The following SYT11 variants were observed in gnomAD, a reference collection of about 807,000 sequenced individuals.
SYT11 encodes synaptotagmin-11.
A neutral mutation model predicts 30.4 loss-of-function variants in SYT11; 12 were observed. The ratio of observed to expected loss-of-function variants is 0.39; its 90% CI spans 0.25 to 0.64. The LOEUF (loss-of-function observed/expected upper bound fraction) is 0.64. Among genes scored for constraint, SYT11 ranks in the 30% least tolerant of loss-of-function variants. The pLI is 0.45. For missense variants in SYT11, 412 were observed against 552.0 expected, an observed-to-expected ratio of 0.75 and a Z score of 2.54; for synonymous variants, 204 against 216.0, an observed-to-expected ratio of 0.94 and a Z score of 0.49.
intron 1 of SYT11, among the ~76,000 whole-genome samples, chr1:155,862,405 A>G (rs1377473763): frequency 6.6e-6 from 1 of 152,172 alleles, no homozygotes; most frequent in Non-Finnish European, 1.5e-5. Flanking sequence ...TTTCAGGGAG[A>G]GAGGCAAGAG....
intron 2 of SYT11, among the ~76,000 whole-genome samples, chr1:155,875,422 C>G (rs79550718): frequency 7.0e-6 from 1 of 143,526 alleles, no homozygotes; most frequent in South Asian, 2.2e-4. Flanking sequence ...TTTTTTTTTT[C>G]TGAGACAGTC....
chr1:155,865,583 G>A (rs1050784174), intron 1 of SYT11, among the ~76,000 whole-genome samples: 3 of 151,126 alleles, frequency 2.0e-5, no homozygotes, highest in Non-Finnish European at 2.9e-5. Context: ...AGCCGTGATC[G>A]TGCCATTGTA....
chr1:155,882,651 T>C lies in SYT11; in HGVS notation c.*1143T>C, dbSNP rs1672997301. ...AACTTCAAATTCAGCTATAGGATAG[T>C]ACCAATGAACACATCCAGCTGATCC... On this transcript the variant is annotated 3_prime_UTR_variant, in exon 4 of 4. Transcript: ENST00000368324. 6.6e-6 allele frequency: 1 copy of C among 152,354 alleles called. No homozygotes were observed. Among genetic ancestry groups the C allele is most frequent in the Admixed American group, 6.5e-5 (1 of 15,272 alleles). The allele number at this position is 152,354 out of a possible 1,614,324, so 9.4% of individuals were successfully genotyped here.
chr1:155,878,694 T>C (rs1217485692), intron 2 of SYT11, among the ~76,000 whole-genome samples: 1 of 151,360 alleles, frequency 6.6e-6, no homozygotes, highest in Non-Finnish European at 1.5e-5. Flanking sequence ...TGAAGCCCCG[T>C]CTCTACTAAA....
chr1:155,878,640 C>T (rs761025348), intron 2 of SYT11, among the ~76,000 whole-genome samples: 12 of 151,680 alleles, frequency 7.9e-5, no homozygotes, highest in African/African-American at 9.7e-5. Context: ...CCGAGACGGG[C>T]GGATCATGAG....
rs1411224758 is a variant in SYT11 at position 155,868,656 on chromosome 1, G to T, written c.726G>T (p.Leu242=). Residue 242 remains leucine (L), a synonymous_variant, in exon 2 of 4, where the codon CTG becomes CTT. Transcript: ENST00000368324. The surrounding 1 kb of genome is among the most constrained non-coding windows in gnomAD (Gnocchi z 4.7). The part of the protein sequence containing the change: ...IPYSQLQDLV[L]HFLVLSFDRF... ...ACAGCCAGCTGCAGGACCTGGTGCTGCACTTCCTTGTCCTCAGCTTTGACC... is the reference window on the plus strand; with the variant it reads ...ACAGCCAGCTGCAGGACCTGGTGCTTCACTTCCTTGTCCTCAGCTTTGACC... 6.2e-7 allele frequency: 1 copy of T among 1,614,244 alleles called. No individual in the cohort carries two copies. Among genetic ancestry groups the T allele is most frequent in the East Asian group, 2.2e-5 (1 of 44,892 alleles).
rs1162537180 is a variant in SYT11, at chr1:155,883,687, AT to A, written c.*2180del. On this transcript the variant is annotated 3_prime_UTR_variant, in exon 4 of 4. Coordinates refer to ENST00000368324, the MANE Select transcript of SYT11 (RefSeq NM_152280.5). The stretch of plus-strand genomic sequence containing the variant: ...AGTTGAGACTGAAGTGTTCACTTCC[AT>A]AGAAGAACATCACTTTTAACCTTGC... The A allele has an allele frequency of 6.6e-6, 1 of 152,192 alleles. No homozygotes were observed. Among genetic ancestry groups the A allele is most frequent in the East Asian group, 1.9e-4 (1 of 5,204 alleles). The allele number at this position is 152,192 out of a possible 1,614,324, so 9.4% of individuals were successfully genotyped here.
chr1:155,881,095 G>C, intron 3 of SYT11, 103 bp from the exon 4 acceptor site: 1 of 1,272,210 alleles, frequency 7.9e-7, no homozygotes, highest in South Asian at 1.4e-5. Flanking sequence ...TCAAAGATAC[G>C]AACAACAGAG....
At chr1:155,866,309 G>A (rs1002176102) in intron 1 of SYT11, among the ~76,000 whole-genome samples, 7 of 151,998 alleles carry the variant, frequency 4.6e-5, no homozygotes, top group Non-Finnish European at 1.0e-4. Context: ...CAGAGACAGG[G>A]TTTCGCCATG....
chr1:155,884,233 T>G lies in SYT11; in HGVS notation c.*2725T>G, dbSNP rs186412669. 1 of 152,888 alleles carries G rather than the reference T, an allele frequency of 6.5e-6. No homozygotes were observed. Among genetic ancestry groups the G allele is most frequent in the East Asian group, 1.9e-4 (1 of 5,316 alleles). The allele number at this position is 152,888 out of a possible 1,614,324, so 9.5% of individuals were successfully genotyped here. On this transcript the variant is annotated 3_prime_UTR_variant, in exon 4 of 4. Coordinates refer to ENST00000368324, the MANE Select transcript of SYT11 (RefSeq NM_152280.5). ...ATAGTCTGGTCTTTGCCCTGCTGTG[T>G]GTGCCTCTGTAGCTCCTCCTGACAA...
intron 2 of SYT11, among the ~76,000 whole-genome samples, chr1:155,877,434 C>CT (rs1253110299): frequency 6.6e-6 from 1 of 151,940 alleles, no homozygotes; most frequent in Non-Finnish European, 1.5e-5. Flanking sequence ...GGGTCTCACT[C>CT]TGTCACCAAG....
Position 155,867,971 on chromosome 1 carries a change from C to A in SYT11, c.41C>A (p.Ser14Ter). The change falls in exon 2 of 4, where the codon TCA becomes TAA. Residue 14 changes from serine to a stop codon, truncating the protein, a stop_gained. Transcript: ENST00000368324. LOFTEE classifies it high-confidence loss of function. ...ITNIRPSFDV[S>*]PVVAGLIGAS... ...CTCTGATCTCCGCCTTCAGATGTGT[C>A]ACCGGTGGTGGCCGGCCTCATCGGG... The A allele has an allele frequency of 6.2e-7, 1 of 1,607,482 alleles. No homozygotes were observed. The highest frequency in any genetic ancestry group is 1.1e-5 in the South Asian group (1 of 90,556).
intron 2 of SYT11, among the ~76,000 whole-genome samples, chr1:155,873,473 C>G (rs1368026455): frequency 6.6e-6 from 1 of 152,152 alleles, no homozygotes; most frequent in African/African-American, 2.4e-5. Context: ...TATCCTTCCT[C>G]TGTATATAAA....
At chr1:155,880,698 C>CCA in intron 3 of SYT11, 75 bp downstream of exon 3, 2 of 1,560,226 alleles carry the variant, frequency 1.3e-6, no homozygotes, top group Non-Finnish European at 1.8e-6. Context: ...AGATAGACCT[C>CCA]CACACTTCAA....
chr1:155,876,492 C>T (rs1162835938), intron 2 of SYT11, among the ~76,000 whole-genome samples: 4 of 151,738 alleles, frequency 2.6e-5, no homozygotes, highest in Non-Finnish European at 4.4e-5. Flanking sequence ...GTGATCCGTC[C>T]GCCTCGGCCT....
intron 2 of SYT11, among the ~76,000 whole-genome samples, chr1:155,878,341 C>G (rs1307489851): frequency 6.6e-6 from 1 of 152,198 alleles, no homozygotes; most frequent in Non-Finnish European, 1.5e-5. Context: ...GCCCTTTACT[C>G]TAGCCTTGCC....
rs917800752 is a variant in SYT11 at position 155,885,153 on chromosome 1, T to C, written c.*3645T>C. The C allele has an allele frequency of 1.3e-5, 2 of 152,420 alleles. No individual in the cohort carries two copies. Among genetic ancestry groups the C allele is most frequent in the Non-Finnish European group, 2.9e-5 (2 of 68,040 alleles). 9.4% of individuals were successfully genotyped at this position (152,420 alleles called of 1,614,324 possible). A position where few individuals can be genotyped will look rare whatever the true frequency, so the allele number is the denominator to read the frequency against. ...CTATCTTGTATGTTGAATTTGTTAA[T>C]GCACCACACAAGTGCAAAATAAAGA... On this transcript the variant is annotated 3_prime_UTR_variant, in exon 4 of 4. Coordinates refer to ENST00000368324, the MANE Select transcript of SYT11 (RefSeq NM_152280.5).
rs1672529735 is a variant in SYT11, at chr1:155,860,135, T to TA, written c.34+341dup. Among the ~76,000 whole-genome samples, 1 of 152,048 alleles carries TA rather than the reference T, an allele frequency of 6.6e-6. No individual in the cohort carries two copies. The highest frequency in any genetic ancestry group is 2.1e-4 in the South Asian group (1 of 4,826). On this transcript the variant is annotated intron_variant, in intron 1 of 3. Coordinates refer to ENST00000368324, the MANE Select transcript of SYT11 (RefSeq NM_152280.5). This position sits in a 1 kb window ranked among gnomAD's most constrained non-coding sequence, Gnocchi z 4.1. ...TCCTTCTGGGGGAGGAGAGGTGGGG[T>TA]AGGCCAAGCCCTCCCCCTTGGGGCA...
chr1:155,879,320 G>A (rs988563113), intron 2 of SYT11, among the ~76,000 whole-genome samples: 8 of 152,070 alleles, frequency 5.3e-5, no homozygotes, highest in African/African-American at 1.9e-4. Flanking sequence ...TGGAGGCTGA[G>A]ACAGGAGAAT....
Sources: gnomAD v4.1 joint callset for allele counts (sites outside exome capture counted in the v4.1 genomes callset) on GRCh38, gnomAD v4.1.1 for gene constraint, Gnocchi (gnomAD v3.1) non-coding constraint, MANE v1.5 for transcripts, NCBI Gene and HGNC (gene_info 2026-07-23, HGNC 2026-07-21) for gene names.